The following BCKDHB variants were observed in gnomAD, a reference collection of about 807,000 sequenced individuals.
BCKDHB encodes the protein 2-oxoisovalerate dehydrogenase subunit beta, mitochondrial.
In BCKDHB, 41 loss-of-function variants were observed where a neutral mutation model predicts 48.5. That is an observed-to-expected ratio of 0.85 (90% CI 0.66 to 1.10). BCKDHB has a LOEUF of 1.10. Among genes scored for constraint, BCKDHB ranks in the 50% least tolerant of loss-of-function variants. The pLI, the probability that BCKDHB is intolerant of heterozygous loss-of-function variation, is 0.00. For missense variants in BCKDHB, 496 were observed against 494.2 expected, an observed-to-expected ratio of 1.00 and a Z score of -0.03; for synonymous variants, 201 against 174.8, an observed-to-expected ratio of 1.15 and a Z score of -1.18.
At chr6:80,441,630 G>A in the BCKDHB span, among the ~76,000 whole-genome samples, 1 of 151,976 alleles carries the variant, frequency 6.6e-6, no homozygotes, top group East Asian at 1.9e-4. Context: ...TTTCCTTCTG[G>A]TTCCTCAGTG....
the BCKDHB span, among the ~76,000 whole-genome samples, chr6:80,464,725 C>A: frequency 1.3e-5 from 2 of 152,316 alleles, no homozygotes; most frequent in Admixed American, 1.3e-4. Context: ...CATTATACTG[C>A]TCTTCCACAT....
intron 1 of BCKDHB, among the ~76,000 whole-genome samples, chr6:80,123,614 G>A (rs377737958): frequency 1.3e-5 from 2 of 152,178 alleles, no homozygotes; most frequent in South Asian, 4.1e-4. Flanking sequence ...TCCTGGTTTA[G>A]TCTTGGGAGG....
chr6:80,401,323 A>G, the BCKDHB span, among the ~76,000 whole-genome samples: 1 of 151,920 alleles, frequency 6.6e-6, no homozygotes, highest in African/African-American at 2.4e-5. Context: ...CATCTGTGAA[A>G]TTTTCACCAC....
intron 6 of BCKDHB, among the ~76,000 whole-genome samples, chr6:80,197,375 T>G (rs993155805): frequency 1.4e-5 from 2 of 144,530 alleles, no homozygotes; most frequent in African/African-American, 5.6e-5. Context: ...TAAGAGGAGG[T>G]TTTTTTTTCT....
At position 80,164,848 on chromosome 6, in the gene BCKDHB, A is replaced by G. The variant is rs183092279; in HGVS notation, c.344-2830A>G. ...TACTACAGGAACTTTACATTGGATG[A>G]ATTGCATTATAAGATAGAGGAAGTC... is the stretch of plus-strand genomic sequence containing the variant. On this transcript the variant is annotated intron_variant, in intron 3 of 9. Transcript: ENST00000320393. Among the ~76,000 whole-genome samples, 67 of 152,280 alleles carry G rather than the reference A, an allele frequency of 4.4e-4. 1 individual carries two copies. The highest frequency in any genetic ancestry group is 3.7e-3 in the Admixed American group (56 of 15,292).
chr6:80,287,807 C>A (rs541350896), intron 9 of BCKDHB, among the ~76,000 whole-genome samples: 11 of 152,274 alleles, frequency 7.2e-5, no homozygotes, highest in African/African-American at 2.6e-4. Flanking sequence ...TTTAGACAAG[C>A]CCCCTGTGCA....
the BCKDHB span, among the ~76,000 whole-genome samples, chr6:80,464,354 C>A: frequency 2.6e-5 from 4 of 151,988 alleles, no homozygotes; most frequent in Non-Finnish European, 5.9e-5. Flanking sequence ...GTGTTGAACT[C>A]CTTAGCTCAT....
intron 3 of BCKDHB, among the ~76,000 whole-genome samples, chr6:80,135,486 T>G (rs1421807118): frequency 6.6e-6 from 1 of 152,150 alleles, no homozygotes; most frequent in Non-Finnish European, 1.5e-5. Context: ...TAAATCTGGT[T>G]TCCTAATATA....
At chr6:80,310,052 G>A (rs995459401) in intron 9 of BCKDHB, among the ~76,000 whole-genome samples, 1 of 151,010 alleles carries the variant, frequency 6.6e-6, no homozygotes, top group Non-Finnish European at 1.5e-5. Flanking sequence ...ATGACTACAT[G>A]ATATTGCATG....
the BCKDHB span, among the ~76,000 whole-genome samples, chr6:80,423,849 G>A: frequency 6.6e-6 from 1 of 152,170 alleles, no homozygotes; most frequent in Non-Finnish European, 1.5e-5. Flanking sequence ...GCTGCATTCA[G>A]AAATTTTCTT....
chr6:80,442,365 T>G, the BCKDHB span, among the ~76,000 whole-genome samples: 3 of 152,324 alleles, frequency 2.0e-5, no homozygotes, highest in East Asian at 5.8e-4. Context: ...TATTTCACAA[T>G]CAAATTATAC....
At chr6:80,167,893 G>T (rs1772658819) in intron 4 of BCKDHB, 82 bp downstream of exon 4, 1 of 1,357,644 alleles carries the variant, frequency 7.4e-7, no homozygotes, top group Non-Finnish European at 1.0e-6. Context: ...ACCCTTACCT[G>T]CATTCTAAAC....
At chr6:80,458,608 G>A in the BCKDHB span, among the ~76,000 whole-genome samples, 2,309 of 152,274 alleles carry the variant, frequency 0.015, 56 homozygotes, top group African/African-American at 0.052. Flanking sequence ...TATCAAGCAT[G>A]TGTAATAGAA....
chr6:80,307,651 TAAAA>T (rs1767945556), intron 9 of BCKDHB: 1 of 976,156 alleles, frequency 1.0e-6, no homozygotes, highest in Non-Finnish European at 1.2e-6. Context: ...ATAGAAAATG[TAAAA>T]AAAATTATTT....
At chr6:80,219,482 C>T (rs1015704377) in intron 8 of BCKDHB, among the ~76,000 whole-genome samples, 3 of 152,198 alleles carry the variant, frequency 2.0e-5, no homozygotes, top group Admixed American at 2.0e-4. Context: ...GCTGGAATTA[C>T]AGGCATAAGC....
the BCKDHB span, among the ~76,000 whole-genome samples, chr6:80,380,622 A>G: frequency 6.6e-6 from 1 of 152,194 alleles, no homozygotes; most frequent in East Asian, 1.9e-4. Flanking sequence ...ACAGCAAGAG[A>G]CATAATCAAC....
intron 8 of BCKDHB, 131 bp from the exon 9 acceptor site, chr6:80,273,004 A>C (rs1777814696): frequency 1.3e-6 from 1 of 745,328 alleles, no homozygotes; most frequent in African/African-American, 1.8e-5. Flanking sequence ...TTATTGGCAT[A>C]CAATTGAATT....
intron 1 of BCKDHB, among the ~76,000 whole-genome samples, chr6:80,116,208 A>G (rs1176070537): frequency 6.6e-6 from 1 of 152,152 alleles, no homozygotes; most frequent in Non-Finnish European, 1.5e-5. Context: ...TGCATACTGC[A>G]TAGTTATTAA....
At chr6:80,408,283 A>G in the BCKDHB span, among the ~76,000 whole-genome samples, 1 of 152,050 alleles carries the variant, frequency 6.6e-6, no homozygotes. Flanking sequence ...TTTTTGCATC[A>G]ATGTTCATCA....
Sources: allele counts gnomAD v4.1 joint callset (sites outside exome capture counted in the v4.1 genomes callset), GRCh38; gene constraint gnomAD v4.1.1; transcripts MANE v1.5; gene names NCBI Gene and HGNC (gene_info 2026-07-23, HGNC 2026-07-21).